Variants in SPIDR observed in about 807,000 individuals in gnomAD.
The protein encoded by SPIDR is scaffold protein involved in DNA repair, also known as DNA repair-scaffolding protein.
In SPIDR, 93 loss-of-function variants were observed where a neutral mutation model predicts 104.6. The observed-to-expected ratio is 0.89, with a 90% CI of 0.75 to 1.06. SPIDR has a LOEUF of 1.06. Ranked by LOEUF, SPIDR falls within the 50% of genes least tolerant of loss-of-function variation. The pLI is 0.00. For missense variants in SPIDR, 1,154 were observed against 1,111.2 expected, an observed-to-expected ratio of 1.04 and a Z score of -0.55; for synonymous variants, 431 against 416.9, an observed-to-expected ratio of 1.03 and a Z score of -0.41.
At chr8:47,686,526 C>T (rs11991155) in intron 11 of SPIDR, among the ~76,000 whole-genome samples, 2 of 152,100 alleles carry the variant, frequency 1.3e-5, no homozygotes, top group African/African-American at 4.8e-5. Flanking sequence ...TTTCATTTTA[C>T]CTTCAAACTA....
chr8:47,487,366 A>T (rs1311864296), intron 8 of SPIDR, among the ~76,000 whole-genome samples: 2 of 152,178 alleles, frequency 1.3e-5, no homozygotes, highest in Non-Finnish European at 2.9e-5. Context: ...AAGTCCTTAG[A>T]GACCTACAAA....
chr8:47,592,929 C>T lies in SPIDR; in HGVS notation c.1098-2882C>T, dbSNP rs546598673. ...GAAGAGGAGTTTTGCTTTTGTTGCC[C>T]GGGTTGGAGTGCAATGGTGCGATCT... On this transcript the variant is annotated intron_variant, in intron 8 of 19. Coordinates refer to ENST00000297423, the MANE Select transcript of SPIDR (RefSeq NM_001080394.4). Among the ~76,000 whole-genome samples, 17 of 151,980 alleles carry T rather than the reference C, an allele frequency of 1.1e-4. No homozygotes were observed. In the South Asian group the frequency reaches 2.9e-3, roughly 26 times the overall value.
chr8:47,468,650 T>C (rs1421651942), intron 8 of SPIDR, among the ~76,000 whole-genome samples: 1 of 152,212 alleles, frequency 6.6e-6, no homozygotes, highest in Non-Finnish European at 1.5e-5. Flanking sequence ...GCTAGCCACA[T>C]GCAGAAGATT....
intron 8 of SPIDR, among the ~76,000 whole-genome samples, chr8:47,467,781 C>T (rs1265244184): frequency 6.6e-6 from 1 of 152,172 alleles, no homozygotes; most frequent in Non-Finnish European, 1.5e-5. Context: ...GAAGCATTCC[C>T]CTTGAAAACC....
At chr8:47,729,622 GC>G in intron 19 of SPIDR, 157 bp downstream of exon 19, 7 of 765,494 alleles carry the variant, frequency 9.1e-6, no homozygotes, top group African/African-American at 1.8e-5. Flanking sequence ...AGATATGTCT[GC>G]CATTCAGACT....
At chr8:47,309,665 C>T (rs942362819) in intron 5 of SPIDR, among the ~76,000 whole-genome samples, 2 of 152,124 alleles carry the variant, frequency 1.3e-5, no homozygotes, top group Admixed American at 1.3e-4. Context: ...TTCCCAAATA[C>T]TTCTGTTTTC....
At chr8:47,642,272 C>T (rs372578986) in intron 10 of SPIDR, among the ~76,000 whole-genome samples, 6 of 151,862 alleles carry the variant, frequency 4.0e-5, no homozygotes, top group East Asian at 1.9e-4. Flanking sequence ...AAAAGTTAGC[C>T]GGGTGTGGTG....
rs62539076 is a variant in SPIDR, at chr8:47,313,632, C to T, written c.525+19602C>T. 2.2e-4 allele frequency among the ~76,000 whole-genome samples: 34 copies of T among 152,190 alleles called. No homozygotes were observed. The South Asian group carries it at 3.9e-3, about 18-fold the overall frequency. Reference sequence around the variant, plus strand: ...CAATCCTAAGCCAAAAGAACAAAGCCGGAGGCATCACGCTACCTGACTTCA... The same window carrying T: ...CAATCCTAAGCCAAAAGAACAAAGCTGGAGGCATCACGCTACCTGACTTCA... On this transcript the variant is annotated intron_variant, in intron 5 of 19. Transcript: ENST00000297423.
chr8:47,533,840 A>G (rs1299712884), intron 8 of SPIDR, among the ~76,000 whole-genome samples: 1 of 152,204 alleles, frequency 6.6e-6, no homozygotes, highest in Non-Finnish European at 1.5e-5. Flanking sequence ...TAGTTCAGCC[A>G]TTGTGGAAAG....
chr8:47,565,992 A>ATATATATATATATATATATTT, intron 8 of SPIDR, among the ~76,000 whole-genome samples: 4 of 14,946 alleles, frequency 2.7e-4, no homozygotes, highest in African/African-American at 3.3e-4. Context: ...ATATATATAT[A>ATATATATATATATATATATTT]TTTTTTTTTT....
intron 5 of SPIDR, among the ~76,000 whole-genome samples, chr8:47,313,940 AG>A (rs2044743382): frequency 6.6e-6 from 1 of 152,242 alleles, no homozygotes; most frequent in Admixed American, 6.5e-5. Flanking sequence ...ATGTTTAAGG[AG>A]ATACTTCAAG....
At chr8:47,280,554 G>T (rs1307681718) in intron 2 of SPIDR, among the ~76,000 whole-genome samples, 1 of 151,898 alleles carries the variant, frequency 6.6e-6, no homozygotes, top group Admixed American at 6.6e-5. Context: ...CACCACACTC[G>T]GCTGATTTTT....
chr8:47,298,687 C>A (rs1373241407), intron 5 of SPIDR, among the ~76,000 whole-genome samples: 7 of 152,156 alleles, frequency 4.6e-5, no homozygotes, highest in African/African-American at 1.7e-4. Context: ...GCCAGTTTTC[C>A]CAGCACCATT....
chr8:47,590,599 G>C (rs1050638869), intron 8 of SPIDR, among the ~76,000 whole-genome samples: 1 of 151,894 alleles, frequency 6.6e-6, no homozygotes, highest in Non-Finnish European at 1.5e-5. Context: ...GCATTTTGTG[G>C]GCACCTGAAA....
intron 8 of SPIDR, among the ~76,000 whole-genome samples, chr8:47,543,195 A>G (rs960751219): frequency 6.6e-6 from 1 of 152,190 alleles, no homozygotes; most frequent in African/African-American, 2.4e-5. Context: ...CAAGAGTGCA[A>G]TTGCTGAGTC....
chr8:47,280,121 C>G, intron 2 of SPIDR, 104 bp downstream of exon 2: 1 of 1,202,366 alleles, frequency 8.3e-7, no homozygotes, highest in Non-Finnish European at 1.2e-6. Flanking sequence ...CTTATTCTTT[C>G]AGAACACTGT....
chr8:47,569,959 A>G (rs568074225), intron 8 of SPIDR, among the ~76,000 whole-genome samples: 1 of 152,334 alleles, frequency 6.6e-6, no homozygotes, highest in South Asian at 2.1e-4. Context: ...GAAAACTACA[A>G]AACAATGTTG....
At chr8:47,274,709 T>C (rs1195022218) in intron 1 of SPIDR, among the ~76,000 whole-genome samples, 1 of 151,398 alleles carries the variant, frequency 6.6e-6, no homozygotes, top group African/African-American at 2.4e-5. Flanking sequence ...CCTGAGTAGC[T>C]GTGATTACAG....
chr8:47,462,588 A>G (rs1176306568), intron 8 of SPIDR, among the ~76,000 whole-genome samples: 1 of 152,220 alleles, frequency 6.6e-6, no homozygotes, highest in Non-Finnish European at 1.5e-5. Context: ...TGAAGTTGGA[A>G]ATTTATGGAT....
Sources: allele counts gnomAD v4.1 joint callset (sites outside exome capture counted in the v4.1 genomes callset), GRCh38; gene constraint gnomAD v4.1.1; transcripts MANE v1.5; gene names NCBI Gene and HGNC (gene_info 2026-07-23, HGNC 2026-07-21).